Variants in KCNAB1 observed in about 807,000 individuals in gnomAD.
KCNAB1 encodes the protein voltage-gated potassium channel subunit beta-1.
Under a neutral mutation model 64.6 loss-of-function variants are expected in KCNAB1, and 35 were observed. That is an observed-to-expected ratio of 0.54 (90% CI 0.41 to 0.72). KCNAB1 has a LOEUF of 0.72. Ranked by LOEUF, KCNAB1 falls within the 30% of genes least tolerant of loss-of-function variation. The probability of loss-of-function intolerance (pLI) is 0.00; values close to 1 mark genes in which losing one functional copy is unlikely to be tolerated. For synonymous variants in KCNAB1, 177 were observed against 183.8 expected (o/e 0.96, Z 0.30); for missense variants, 401 against 512.9 (o/e 0.78, Z 2.11).
chr3:156,150,469 G>A (rs1715337572), intron 1 of KCNAB1, among the ~76,000 whole-genome samples: 1 of 152,106 alleles, frequency 6.6e-6, no homozygotes, highest in Non-Finnish European at 1.5e-5. Context: ...TGGAAATTCA[G>A]GGCTTGAGAA....
At chr3:156,207,644 T>G (rs1714750811) in intron 1 of KCNAB1, among the ~76,000 whole-genome samples, 1 of 152,196 alleles carries the variant, frequency 6.6e-6, no homozygotes, top group Non-Finnish European at 1.5e-5. Flanking sequence ...CTTTTAAGAT[T>G]GGTGGAAGAA....
intron 1 of KCNAB1, among the ~76,000 whole-genome samples, chr3:156,182,106 G>A (rs1712854499): frequency 6.6e-6 from 1 of 151,964 alleles, no homozygotes; most frequent in Admixed American, 6.6e-5. Context: ...AATTATATTA[G>A]TGTGAGGTAT....
intron 11 of KCNAB1, among the ~76,000 whole-genome samples, chr3:156,518,424 C>A (rs1428729795): frequency 1.4e-5 from 2 of 142,668 alleles, no homozygotes; most frequent in Non-Finnish European, 3.0e-5. Flanking sequence ...ATCAGAGCAA[C>A]CTTTGGAGTG....
intron 1 of KCNAB1, among the ~76,000 whole-genome samples, chr3:156,326,584 A>G (rs1315682798): frequency 6.6e-6 from 1 of 152,044 alleles, no homozygotes; most frequent in East Asian, 1.9e-4. Flanking sequence ...TCCAACCTCA[A>G]TTCTTATCAC....
intron 1 of KCNAB1, chr3:156,143,517 G>A (rs1279130236): frequency 2.7e-6 from 2 of 748,168 alleles, no homozygotes; most frequent in Non-Finnish European, 1.9e-6. Flanking sequence ...ACAAAACCCT[G>A]TAAGAAAAAG....
intron 1 of KCNAB1, among the ~76,000 whole-genome samples, chr3:156,293,479 G>C (rs1160854691): frequency 6.6e-6 from 1 of 152,182 alleles, no homozygotes; most frequent in Non-Finnish European, 1.5e-5. Flanking sequence ...TTTTATAAAA[G>C]TTGCCCTTGA....
intron 1 of KCNAB1, among the ~76,000 whole-genome samples, chr3:156,254,748 C>G (rs927299279): frequency 6.6e-6 from 1 of 152,198 alleles, no homozygotes; most frequent in South Asian, 2.1e-4. Flanking sequence ...ACTTTGACTT[C>G]CTATCCATCT....
At chr3:156,512,780 A>T (rs1717298665) in intron 8 of KCNAB1, among the ~76,000 whole-genome samples, 1 of 152,232 alleles carries the variant, frequency 6.6e-6, no homozygotes, top group South Asian at 2.1e-4. Flanking sequence ...TTGCTAGGCA[A>T]TAATTTGATA....
At chr3:156,160,106 A>G (rs1715987618) in intron 1 of KCNAB1, among the ~76,000 whole-genome samples, 1 of 152,192 alleles carries the variant, frequency 6.6e-6, no homozygotes, top group South Asian at 2.1e-4. Flanking sequence ...ACAGGGTTGG[A>G]TAAGAGTTCA....
chr3:156,213,828 C>A (rs1259921068), intron 1 of KCNAB1, among the ~76,000 whole-genome samples: 1 of 152,156 alleles, frequency 6.6e-6, no homozygotes, highest in Non-Finnish European at 1.5e-5. Flanking sequence ...ACAGGAGTGT[C>A]TTTTGCTCTA....
chr3:156,333,343 T>TACAC (rs947503880), intron 1 of KCNAB1, among the ~76,000 whole-genome samples: 2 of 119,402 alleles, frequency 1.7e-5, no homozygotes. Context: ...CACACACACA[T>TACAC]ACACACACAC....
intron 1 of KCNAB1, among the ~76,000 whole-genome samples, chr3:156,180,531 T>C (rs1712732589): frequency 6.6e-6 from 1 of 152,242 alleles, no homozygotes; most frequent in African/African-American, 2.4e-5. Flanking sequence ...AAAAAAATTA[T>C]GACATGTTTA....
intron 8 of KCNAB1, 124 bp from the exon 9 acceptor site, chr3:156,514,240 G>A: frequency 2.9e-6 from 2 of 687,998 alleles, no homozygotes; most frequent in Non-Finnish European, 5.1e-6. Flanking sequence ...CCAATATTAG[G>A]CTAATTTTAT....
chr3:156,525,224 T>C (rs1157173668), intron 12 of KCNAB1, among the ~76,000 whole-genome samples: 1 of 152,158 alleles, frequency 6.6e-6, no homozygotes, highest in Non-Finnish European at 1.5e-5. Context: ...GAGGAATTAT[T>C]ATCACAGGAG....
chr3:156,276,880 G>A (rs982923192), intron 1 of KCNAB1, among the ~76,000 whole-genome samples: 1 of 152,076 alleles, frequency 6.6e-6, no homozygotes, highest in Non-Finnish European at 1.5e-5. Context: ...TCATTTATGT[G>A]TTCACTAGAT....
At position 156,375,524 on chromosome 3, in the gene KCNAB1, C is replaced by T. The variant is rs539597075; in HGVS notation, c.276-46092C>T. Among the ~76,000 whole-genome samples, 3 of 135,374 alleles carry T rather than the reference C, an allele frequency of 2.2e-5. No individual in the cohort carries two copies. In the East Asian group the frequency reaches 5.8e-4, roughly 26 times the overall value. 88.8% of individuals were successfully genotyped at this position (135,374 alleles called of 152,430 possible). A position where few individuals can be genotyped will look rare whatever the true frequency, so the allele number is the denominator to read the frequency against. The stretch of plus-strand genomic sequence containing the variant: ...TAAGCAAATCAAAACAACGTTAATA[C>T]ATGTTATAATTCTTTAAAAATGAAT... On this transcript the variant is annotated intron_variant, in intron 1 of 13. Coordinates refer to ENST00000490337, the MANE Select transcript of KCNAB1 (RefSeq NM_172160.3).
rs114097124 is a variant in KCNAB1, at chr3:156,304,824, G to A, written c.276-116792G>A. Among the ~76,000 whole-genome samples, 331 of 152,294 alleles carry A rather than the reference G, an allele frequency of 2.2e-3. 1 individual carries two copies. Among genetic ancestry groups the A allele is most frequent in the African/African-American group, 7.7e-3 (320 of 41,560 alleles). ...AATCTGCCTCAAGGGAGGAATAAAA[G>A]CATCATCAGGTGTTAATAGGTAAAT... On this transcript the variant is annotated intron_variant, in intron 1 of 13. Transcript: ENST00000490337.
In KCNAB1 at chr3:156,463,403, A is replaced by G. The variant is rs1042645015; in HGVS notation, c.483-299A>G. The stretch of plus-strand genomic sequence containing the variant: ...GCCCACCACTCACCTTTACTTTGCT[A>G]TGTCGACATGGGCTTGCTGTCAGTT... On this transcript the variant is annotated intron_variant, in intron 5 of 13. Coordinates refer to ENST00000490337, the MANE Select transcript of KCNAB1 (RefSeq NM_172160.3). Among the ~76,000 whole-genome samples, 6 of 152,100 alleles carry G rather than the reference A, an allele frequency of 3.9e-5. No individual in the cohort carries two copies. In the East Asian group the frequency reaches 7.7e-4, roughly 20 times the overall value.
At chr3:156,124,347 G>A (rs921097076) in intron 1 of KCNAB1, among the ~76,000 whole-genome samples, 11 of 151,872 alleles carry the variant, frequency 7.2e-5, no homozygotes, top group African/African-American at 2.2e-4. Context: ...CTCCCAAGTA[G>A]CTAGGATTAC....
Sources: allele counts gnomAD v4.1 joint callset (sites outside exome capture counted in the v4.1 genomes callset), GRCh38; gene constraint gnomAD v4.1.1; transcripts MANE v1.5; gene names NCBI Gene and HGNC (gene_info 2026-07-23, HGNC 2026-07-21).